Variants in SV2C observed in about 807,000 individuals in gnomAD.
SV2C encodes synaptic vesicle glycoprotein 2C, also known as solute carrier family 22 member B3.
SV2C carries 49 observed loss-of-function variants against 79.7 expected under a neutral mutation model. That is an observed-to-expected ratio of 0.61 (90% CI 0.49 to 0.78). The LOEUF (loss-of-function observed/expected upper bound fraction) is 0.78. Among genes scored for constraint, SV2C ranks in the 30% least tolerant of loss-of-function variants. SV2C has a pLI of 0.00. For missense variants in SV2C, 833 were observed against 912.9 expected, an observed-to-expected ratio of 0.91 and a Z score of 1.13; for synonymous variants, 334 against 333.2, an observed-to-expected ratio of 1.00 and a Z score of -0.03.
the SV2C span, among the ~76,000 whole-genome samples, chr5:75,954,050 A>C: frequency 6.6e-6 from 1 of 152,070 alleles, no homozygotes; most frequent in South Asian, 2.1e-4. Context: ...GACAATAAGG[A>C]GCCTACTGCC....
At chr5:76,045,716 A>G in the SV2C span, among the ~76,000 whole-genome samples, 16 of 152,224 alleles carry the variant, frequency 1.1e-4, no homozygotes, top group African/African-American at 3.4e-4. Context: ...TATTATTTAA[A>G]TCTATTTTAT....
the SV2C span, among the ~76,000 whole-genome samples, chr5:75,916,383 C>T: frequency 7.1e-6 from 1 of 141,616 alleles, no homozygotes; most frequent in Admixed American, 7.0e-5. Flanking sequence ...CCTCCTCCTC[C>T]CCTTCCCCTT....
intron 1 of SV2C, among the ~76,000 whole-genome samples, chr5:76,125,509 T>C (rs1425216487): frequency 1.3e-5 from 2 of 152,172 alleles, no homozygotes; most frequent in African/African-American, 2.4e-5. Context: ...GGGAATTCTG[T>C]TATTAGGAAA....
At chr5:76,286,210 TCA>T (rs1747352930) in intron 6 of SV2C, among the ~76,000 whole-genome samples, 1 of 152,144 alleles carries the variant, frequency 6.6e-6, no homozygotes, top group Non-Finnish European at 1.5e-5. Flanking sequence ...TGCATTTTCA[TCA>T]CAGACTTACT....
At chr5:76,200,411 A>G (rs1409754817) in intron 3 of SV2C, among the ~76,000 whole-genome samples, 1 of 152,234 alleles carries the variant, frequency 6.6e-6, no homozygotes, top group African/African-American at 2.4e-5. Context: ...GGAACCAGGA[A>G]TAACTCAGCT....
At chr5:76,055,320 A>G in the SV2C span, among the ~76,000 whole-genome samples, 1 of 152,012 alleles carries the variant, frequency 6.6e-6, no homozygotes, top group East Asian at 1.9e-4. Context: ...GATGTGTGGT[A>G]TGATTTCTGA....
At chr5:76,351,520 G>A (rs948942630) in intron 12 of SV2C, among the ~76,000 whole-genome samples, 20 of 152,122 alleles carry the variant, frequency 1.3e-4, no homozygotes, top group African/African-American at 4.8e-4. Flanking sequence ...TCTATGAGCT[G>A]GGGTGTCCCT....
the SV2C span, among the ~76,000 whole-genome samples, chr5:76,048,986 A>AG: frequency 1.1e-5 from 1 of 91,096 alleles, no homozygotes; most frequent in African/African-American, 3.8e-5. Flanking sequence ...AAAGAAAGAA[A>AG]GAAAGAAAGA....
upstream of SV2C, chr5:76,083,179 C>G (rs921890864): frequency 2.0e-5 from 3 of 152,362 alleles, no homozygotes; most frequent in South Asian, 2.1e-4. Flanking sequence ...CGCGACTTGC[C>G]GGAGCACCGC....
chr5:76,242,733 T>C (rs1033398582), intron 4 of SV2C, among the ~76,000 whole-genome samples: 1 of 151,994 alleles, frequency 6.6e-6, no homozygotes, highest in African/African-American at 2.4e-5. Flanking sequence ...TGTTTCTTCA[T>C]CAAGAAAACG....
At chr5:76,269,466 G>A (rs942115711) in intron 4 of SV2C, among the ~76,000 whole-genome samples, 11 of 152,170 alleles carry the variant, frequency 7.2e-5, no homozygotes, top group South Asian at 2.1e-4. Context: ...CAACAAGATC[G>A]TTGATGTACG....
the SV2C span, among the ~76,000 whole-genome samples, chr5:76,075,132 C>T: frequency 3.9e-5 from 6 of 152,194 alleles, no homozygotes; most frequent in African/African-American, 9.7e-5. Flanking sequence ...TCACTTGACT[C>T]TTACATCCTT....
At chr5:76,117,435 C>A (rs1220388384) in intron 1 of SV2C, among the ~76,000 whole-genome samples, 1 of 151,990 alleles carries the variant, frequency 6.6e-6, no homozygotes, top group East Asian at 1.9e-4. Flanking sequence ...TAGCAAAATC[C>A]TAATGAAATT....
the SV2C span, among the ~76,000 whole-genome samples, chr5:75,862,600 C>G: frequency 6.6e-6 from 1 of 152,156 alleles, no homozygotes; most frequent in Non-Finnish European, 1.5e-5. Flanking sequence ...AGCTGGACTT[C>G]ACGAGGAAAA....
chr5:76,209,021 T>G (rs944524074), intron 3 of SV2C, among the ~76,000 whole-genome samples: 2 of 152,156 alleles, frequency 1.3e-5, no homozygotes, highest in Admixed American at 6.5e-5. Context: ...TCCCCAGAGC[T>G]CAGTCAGCAG....
At chr5:76,178,244 A>C (rs1011978119) in intron 2 of SV2C, among the ~76,000 whole-genome samples, 3 of 152,220 alleles carry the variant, frequency 2.0e-5, no homozygotes, top group Non-Finnish European at 4.4e-5. Flanking sequence ...TCATTCAAGC[A>C]GTTACCCAGA....
the SV2C span, chr5:75,921,684 C>A: frequency 9.3e-4 from 550 of 592,612 alleles, 1 homozygote; most frequent in Non-Finnish European, 1.3e-3. Context: ...TGGTAAACAG[C>A]AATGGATATA....
the SV2C span, among the ~76,000 whole-genome samples, chr5:75,961,222 T>A: frequency 6.6e-6 from 1 of 152,062 alleles, no homozygotes; most frequent in Non-Finnish European, 1.5e-5. Flanking sequence ...ATGACTGGAT[T>A]TAATTATTTT....
intron 3 of SV2C, among the ~76,000 whole-genome samples, chr5:76,196,876 A>G (rs1422577342): frequency 1.3e-5 from 2 of 152,230 alleles, no homozygotes; most frequent in Non-Finnish European, 2.9e-5. Flanking sequence ...AAAAAGGTCC[A>G]CTGTGGTGGC....
Sources: gnomAD v4.1 joint callset for allele counts (sites outside exome capture counted in the v4.1 genomes callset) on GRCh38, gnomAD v4.1.1 for gene constraint, MANE v1.5 for transcripts, NCBI Gene and HGNC (gene_info 2026-07-23, HGNC 2026-07-21) for gene names.